The following PDE4D variants were observed in gnomAD, a reference collection of about 807,000 sequenced individuals.
The protein encoded by PDE4D is 3',5'-cyclic-AMP phosphodiesterase 4D.
In PDE4D, 24 loss-of-function variants were observed where a neutral mutation model predicts 87.4. The ratio of observed to expected loss-of-function variants is 0.27; its 90% CI spans 0.20 to 0.39. The LOEUF (loss-of-function observed/expected upper bound fraction) is 0.39. Ranked by LOEUF, PDE4D falls within the 10% of genes least tolerant of loss-of-function variation. The pLI, the probability that PDE4D is intolerant of heterozygous loss-of-function variation, is 1.00. For missense variants in PDE4D, 714 were observed against 1,041.0 expected (o/e 0.69, Z 4.32); for synonymous variants, 384 against 383.2 (o/e 1.00, Z -0.02).
intron 1 of PDE4D, among the ~76,000 whole-genome samples, chr5:60,414,427 G>T (rs952649276): frequency 1.3e-5 from 2 of 152,020 alleles, no homozygotes; most frequent in African/African-American, 2.4e-5. Flanking sequence ...CAGAGATAAA[G>T]CTACTTAAAA....
intron 1 of PDE4D, among the ~76,000 whole-genome samples, chr5:60,253,273 T>C (rs556121747): frequency 1.5e-4 from 23 of 151,932 alleles, no homozygotes; most frequent in Non-Finnish European, 2.6e-4. Context: ...TTTTTATTTT[T>C]AGATGTTTTC....
rs16888929 is a variant in PDE4D, at chr5:58,976,247, A to C, written c.1830+103T>G. 2.3e-3 allele frequency: 2,881 copies of C among 1,232,962 alleles called. 50 individuals are homozygous for C. In the African/African-American group the frequency reaches 0.039, roughly 17 times the overall value. The allele number at this position is 1,232,962 out of a possible 1,614,324, so 76.4% of individuals were successfully genotyped here. A position where few individuals can be genotyped will look rare whatever the true frequency, so the allele number is the denominator to read the frequency against. On this transcript the variant is annotated intron_variant, in intron 13 of 14. Transcript: ENST00000340635. ...CCTGCCTACAATTGCTGAAAGTATA[A>C]GGTGGGAGAAGGAAGAAATACATCT...
chr5:60,401,122 C>T (rs983911949), intron 1 of PDE4D, among the ~76,000 whole-genome samples: 1 of 152,128 alleles, frequency 6.6e-6, no homozygotes, highest in Admixed American at 6.5e-5. Context: ...ACAAAAGCCA[C>T]ATTTTAAATA....
At chr5:59,158,237 T>C (rs545920395) in intron 5 of PDE4D, among the ~76,000 whole-genome samples, 1 of 152,292 alleles carries the variant, frequency 6.6e-6, no homozygotes, top group African/African-American at 2.4e-5. Context: ...CTTCCATATT[T>C]TAGCAAGCAA....
chr5:59,308,347 G>T (rs1771853418), intron 1 of PDE4D, among the ~76,000 whole-genome samples: 1 of 151,782 alleles, frequency 6.6e-6, no homozygotes, highest in Non-Finnish European at 1.5e-5. Flanking sequence ...AAAAAAAAAA[G>T]AGGTTCTGTT....
intron 1 of PDE4D, among the ~76,000 whole-genome samples, chr5:59,825,097 A>G (rs181980221): frequency 3.7e-4 from 56 of 152,292 alleles, no homozygotes; most frequent in Admixed American, 7.2e-4. Context: ...CTGCGTGTCA[A>G]TTGGGTGCAA....
At chr5:59,991,295 T>A (rs1189679801) in intron 2 of PDE4D, among the ~76,000 whole-genome samples, 2 of 152,030 alleles carry the variant, frequency 1.3e-5, no homozygotes, top group Admixed American at 1.3e-4. Flanking sequence ...ATGTCTTGAT[T>A]TTTTGTCTGC....
chr5:59,389,002 T>C (rs1289170491), intron 1 of PDE4D, among the ~76,000 whole-genome samples: 1 of 152,098 alleles, frequency 6.6e-6, no homozygotes, highest in East Asian at 1.9e-4. Flanking sequence ...TTGTATATTA[T>C]GTAAAATGTA....
At chr5:59,776,824 G>A (rs536464708) in intron 1 of PDE4D, among the ~76,000 whole-genome samples, 2 of 151,464 alleles carry the variant, frequency 1.3e-5, no homozygotes, top group South Asian at 2.1e-4. Flanking sequence ...ATGTCTCACC[G>A]AAGATGAGTT....
At chr5:59,800,589 G>A (rs1377058470) in intron 1 of PDE4D, among the ~76,000 whole-genome samples, 1 of 152,068 alleles carries the variant, frequency 6.6e-6, no homozygotes, top group Non-Finnish European at 1.5e-5. Context: ...ATCAGTATGA[G>A]GACTTTGCTT....
At chr5:59,794,135 GCGCACACACACA>G (rs769502291) in intron 1 of PDE4D, among the ~76,000 whole-genome samples, 1 of 89,286 alleles carries the variant, frequency 1.1e-5, no homozygotes, top group Non-Finnish European at 2.2e-5. Flanking sequence ...ACACACAGAG[GCGCACACACACA>G]CACACACACA....
intron 1 of PDE4D, among the ~76,000 whole-genome samples, chr5:60,458,386 CAAAAAAAA>C (rs61006284): frequency 0.16 from 12,422 of 75,544 alleles, 758 homozygotes; most frequent in Admixed American, 0.23. Context: ...GACTTCATTG[CAAAAAAAA>C]AAAAAAAAAA....
intron 2 of PDE4D, among the ~76,000 whole-genome samples, chr5:60,039,443 T>TGGGGGGTGGG: frequency 1.4e-5 from 1 of 73,634 alleles, no homozygotes; most frequent in South Asian, 4.8e-4. Flanking sequence ...TGTGGGGTGG[T>TGGGGGGTGGG]GGGAGGGGGG....
At chr5:60,280,336 A>G (rs1751779976) in intron 1 of PDE4D, among the ~76,000 whole-genome samples, 10 of 145,076 alleles carry the variant, frequency 6.9e-5, no homozygotes, top group Admixed American at 6.7e-4. Context: ...AAATATATAT[A>G]CACACATATA....
intron 1 of PDE4D, among the ~76,000 whole-genome samples, chr5:59,725,223 C>T (rs926522965): frequency 3.9e-5 from 6 of 152,048 alleles, no homozygotes; most frequent in Admixed American, 6.6e-5. Context: ...CCCATACCTC[C>T]GTGCTCATGC....
chr5:59,474,920 GT>G (rs201619621), intron 1 of PDE4D, among the ~76,000 whole-genome samples: 11 of 151,804 alleles, frequency 7.2e-5, no homozygotes, highest in South Asian at 2.1e-4. Flanking sequence ...TGTTGGTTGG[GT>G]TTTTTTTCCC....
intron 1 of PDE4D, among the ~76,000 whole-genome samples, chr5:59,500,031 C>T (rs1353253182): frequency 6.6e-6 from 1 of 152,052 alleles, no homozygotes; most frequent in Non-Finnish European, 1.5e-5. Context: ...AAAATATTAG[C>T]AAACCACACT....
In PDE4D at chr5:59,665,834, CA is replaced by C. The variant is rs111621253; in HGVS notation, c.455+227333del. 4.5e-3 allele frequency among the ~76,000 whole-genome samples: 681 copies of C among 152,278 alleles called. 3 individuals are homozygous for C. The highest frequency in any genetic ancestry group is 0.016 in the African/African-American group (647 of 41,546). On this transcript the variant is annotated intron_variant, in intron 1 of 14. Coordinates refer to ENST00000340635, the MANE Select transcript of PDE4D (RefSeq NM_001104631.2). ...CCCCTTCTTCCAAGTGAGGACACAG[CA>C]AGAAGACACCATTAATGAACCAGAA... is the stretch of plus-strand genomic sequence containing the variant.
At chr5:60,172,820 G>A (rs1783588305) in intron 2 of PDE4D, among the ~76,000 whole-genome samples, 1 of 152,032 alleles carries the variant, frequency 6.6e-6, no homozygotes. Flanking sequence ...GTCCTCCAAA[G>A]TACTGCCGCT....
Sources: allele counts gnomAD v4.1 joint callset (sites outside exome capture counted in the v4.1 genomes callset), GRCh38; gene constraint gnomAD v4.1.1; transcripts MANE v1.5; gene names NCBI Gene and HGNC (gene_info 2026-07-23, HGNC 2026-07-21).